Variants in VPS13D observed in about 807,000 individuals in gnomAD.
VPS13D encodes vacuolar protein sorting 13 homolog D, also known as intermembrane lipid transfer protein VPS13D.
A neutral mutation model predicts 461.9 loss-of-function variants in VPS13D; 187 were observed. The ratio of observed to expected loss-of-function variants is 0.40; its 90% CI spans 0.36 to 0.46. VPS13D has a LOEUF of 0.46. Among genes scored for constraint, VPS13D ranks in the 20% least tolerant of loss-of-function variants. The pLI is 0.60. For synonymous variants in VPS13D, 1,951 were observed against 1,986.3 expected (o/e 0.98, Z 0.47); for missense variants, 4,711 against 5,364.9 (o/e 0.88, Z 3.81).
intron 1 of VPS13D, among the ~76,000 whole-genome samples, chr1:12,232,993 GTTTCATGAGTTTCTTTTTCTTTTTT>G (rs2101168712): frequency 6.6e-6 from 1 of 150,410 alleles, no homozygotes; most frequent in African/African-American, 2.4e-5. Context: ...ATTCAGGTTT[GTTTCATGAGTTTCTTTTTCTTTTTT>G]TTTTTGAGAT....
chr1:12,427,491 A>G (rs1644937888), intron 65 of VPS13D, among the ~76,000 whole-genome samples: 1 of 152,050 alleles, frequency 6.6e-6, no homozygotes, highest in Non-Finnish European at 1.5e-5. Flanking sequence ...AACCGAAAAA[A>G]AAAAGGATAG....
rs543686716 is a variant in VPS13D at position 12,509,352 on chromosome 1, T to C, written c.*328T>C. ...ATGTACAACAGTGTGTTTGTAAATA[T>C]ATAGGAACGTTTCTGAACAGGGTCT... On this transcript the variant is annotated 3_prime_UTR_variant, in exon 70 of 70. Coordinates refer to ENST00000620676, the MANE Select transcript of VPS13D (RefSeq NM_015378.4). 9 of 217,008 alleles carry C rather than the reference T, an allele frequency of 4.1e-5. No individual in the cohort carries two copies. Among genetic ancestry groups the C allele is most frequent in the African/African-American group, 1.6e-4 (7 of 43,708 alleles). 13.4% of individuals were successfully genotyped at this position (217,008 alleles called of 1,614,324 possible). A position where few individuals can be genotyped will look rare whatever the true frequency, so the allele number is the denominator to read the frequency against.
chr1:12,462,996 C>T (rs1223585602), intron 67 of VPS13D, among the ~76,000 whole-genome samples: 1 of 151,952 alleles, frequency 6.6e-6, no homozygotes, highest in Non-Finnish European at 1.5e-5. Flanking sequence ...TGACTCAAAG[C>T]AGACAGTAAT....
rs764967732 is a variant in VPS13D, at chr1:12,505,858, C to T, written c.12795-995C>T. Among the ~76,000 whole-genome samples the T allele has an allele frequency of 6.6e-6, 1 of 152,198 alleles. No individual in the cohort carries two copies. Among genetic ancestry groups the T allele is most frequent in the Non-Finnish European group, 1.5e-5 (1 of 68,036 alleles). On this transcript the variant is annotated intron_variant, in intron 68 of 69. Transcript: ENST00000620676. This position sits in a 1 kb window ranked among gnomAD's most constrained non-coding sequence, Gnocchi z 4.2. ...CCCCAAGTGAGCGAGGGCCCGGCAG[C>T]CTGCTCCCCTCGACAGGCAGGCCAC...
intron 14 of VPS13D, 137 bp from the exon 15 acceptor site, chr1:12,267,708 G>A (rs1641314805): frequency 3.9e-6 from 3 of 767,970 alleles, no homozygotes; most frequent in Non-Finnish European, 6.7e-6. Flanking sequence ...AATTCTGCAA[G>A]TAGTCAATCT....
chr1:12,275,752 A>G (rs1000976219), intron 18 of VPS13D, 73 bp from the exon 19 acceptor site: 3 of 1,457,468 alleles, frequency 2.1e-6, no homozygotes, highest in Non-Finnish European at 2.7e-6. Flanking sequence ...TCTACCTTTC[A>G]TAATTATTAC....
intron 32 of VPS13D, among the ~76,000 whole-genome samples, chr1:12,321,410 C>T (rs1196700115): frequency 6.6e-6 from 1 of 152,034 alleles, no homozygotes; most frequent in East Asian, 1.9e-4. Flanking sequence ...TCCATATGGT[C>T]TTTTTTGTCA....
intron 20 of VPS13D, among the ~76,000 whole-genome samples, chr1:12,282,486 T>C (rs1241493141): frequency 3.3e-5 from 5 of 152,318 alleles, no homozygotes; most frequent in Admixed American, 2.6e-4. Flanking sequence ...TGAACTCTTA[T>C]TGTATGTAGA....
At chr1:12,343,733 T>C (rs1311870783) in intron 42 of VPS13D, among the ~76,000 whole-genome samples, 1 of 152,224 alleles carries the variant, frequency 6.6e-6, no homozygotes, top group Non-Finnish European at 1.5e-5. Flanking sequence ...TTTCATTAAC[T>C]ATCCATTTAT....
At chr1:12,403,464 C>G (rs528300225) in intron 62 of VPS13D, among the ~76,000 whole-genome samples, 1 of 152,312 alleles carries the variant, frequency 6.6e-6, no homozygotes, top group South Asian at 2.1e-4. Flanking sequence ...TGGATATGAT[C>G]CTAGGAAAAT....
chr1:12,304,378 G>A (rs1642503246), intron 25 of VPS13D, 128 bp from the exon 26 acceptor site: 10 of 790,164 alleles, frequency 1.3e-5, no homozygotes, highest in South Asian at 1.8e-5. Context: ...GGAAGTATAA[G>A]TATTATAGAG....
intron 40 of VPS13D, 21 bp from the exon 41 acceptor site, chr1:12,341,756 ATAG>A (rs1557720332): frequency 1.2e-6 from 2 of 1,610,382 alleles, no homozygotes; most frequent in Non-Finnish European, 1.7e-6. Context: ...GCGTCTGCTC[ATAG>A]CCTTCTTCTG....
At chr1:12,379,435 G>A (rs976662847) in intron 56 of VPS13D, 53 bp from the exon 57 acceptor site, 57 of 1,527,822 alleles carry the variant, frequency 3.7e-5, no homozygotes, top group South Asian at 6.9e-5. Context: ...CCCTTCAGGC[G>A]TGAAACAGTT....
chr1:12,497,964 A>G (rs749204562), intron 68 of VPS13D, among the ~76,000 whole-genome samples: 6 of 152,236 alleles, frequency 3.9e-5, no homozygotes, highest in Admixed American at 6.5e-5. Context: ...AAAATTTCTT[A>G]AAGTTTGATA....
intron 50 of VPS13D, among the ~76,000 whole-genome samples, chr1:12,359,066 G>A (rs1326039063): frequency 1.3e-5 from 2 of 152,162 alleles, no homozygotes; most frequent in African/African-American, 2.4e-5. Context: ...GTAGGATCAG[G>A]ATTGGGGGAT....
chr1:12,463,443 G>A (rs1397394800), intron 67 of VPS13D, among the ~76,000 whole-genome samples: 1 of 152,194 alleles, frequency 6.6e-6, no homozygotes, highest in Non-Finnish European at 1.5e-5. Flanking sequence ...TATTCATGAG[G>A]AGCTATGCGT....
chr1:12,329,754 C>A, intron 36 of VPS13D, 75 bp from the exon 37 acceptor site: 2 of 1,076,744 alleles, frequency 1.9e-6, no homozygotes, highest in Non-Finnish European at 2.8e-6. Flanking sequence ...TCTAATGTTT[C>A]TTTAATGTCA....
intron 65 of VPS13D, among the ~76,000 whole-genome samples, chr1:12,423,238 A>G (rs929806142): frequency 1.3e-5 from 2 of 152,228 alleles, no homozygotes; most frequent in Non-Finnish European, 2.9e-5. Flanking sequence ...CAGATTGGTC[A>G]GGTGACTTTC....
intron 62 of VPS13D, among the ~76,000 whole-genome samples, 172 bp downstream of exon 62, chr1:12,401,876 CTTG>C (rs996478833): frequency 1.3e-5 from 2 of 152,172 alleles, no homozygotes; most frequent in African/African-American, 2.4e-5. Flanking sequence ...CAAAGTATTA[CTTG>C]TTGTCTGAGT....
Sources: gnomAD v4.1 joint callset for allele counts (sites outside exome capture counted in the v4.1 genomes callset) on GRCh38, gnomAD v4.1.1 for gene constraint, Gnocchi (gnomAD v3.1) non-coding constraint, MANE v1.5 for transcripts, NCBI Gene and HGNC (gene_info 2026-07-23, HGNC 2026-07-21) for gene names.